The following PTPRD variants were observed in gnomAD, a reference collection of about 807,000 sequenced individuals.
PTPRD encodes the protein receptor-type tyrosine-protein phosphatase delta.
A neutral mutation model predicts 214.5 loss-of-function variants in PTPRD; 34 were observed. That is an observed-to-expected ratio of 0.16 (90% CI 0.12 to 0.21). The LOEUF (loss-of-function observed/expected upper bound fraction) is 0.21. Among genes scored for constraint, PTPRD ranks in the 10% least tolerant of loss-of-function variants. The probability of loss-of-function intolerance (pLI) is 1.00; values close to 1 mark genes in which losing one functional copy is unlikely to be tolerated. For synonymous variants in PTPRD, 1,128 were observed against 845.7 expected (o/e 1.33, Z -5.79); for missense variants, 2,545 against 2,398.7 (o/e 1.06, Z -1.27).
chr9:10,041,373 A>G (rs2097294438), intron 3 of PTPRD, among the ~76,000 whole-genome samples: 1 of 152,004 alleles, frequency 6.6e-6, no homozygotes, highest in African/African-American at 2.4e-5. Flanking sequence ...TAGGAAAATA[A>G]GGCCTAAAAA....
chr9:10,458,704 A>C (rs1387122134), intron 2 of PTPRD, among the ~76,000 whole-genome samples: 1 of 152,194 alleles, frequency 6.6e-6, no homozygotes, highest in African/African-American at 2.4e-5. Context: ...TAGACAAGAA[A>C]AAGAAATAAA....
chr9:10,063,470 G>T (rs2097817264), intron 3 of PTPRD, among the ~76,000 whole-genome samples: 1 of 151,922 alleles, frequency 6.6e-6, no homozygotes, highest in Admixed American at 6.6e-5. Flanking sequence ...GAAATCTTGG[G>T]GTTTATGATC....
At chr9:9,583,273 TC>T (rs1223197689) in intron 7 of PTPRD, among the ~76,000 whole-genome samples, 20 of 152,172 alleles carry the variant, frequency 1.3e-4, no homozygotes, top group African/African-American at 4.6e-4. Context: ...AATTTATGTC[TC>T]TTAACTGAAA....
At chr9:8,600,356 G>C (rs920888169) in intron 14 of PTPRD, among the ~76,000 whole-genome samples, 1 of 152,114 alleles carries the variant, frequency 6.6e-6, no homozygotes, top group African/African-American at 2.4e-5. Flanking sequence ...AAATTCCTAG[G>C]CAAGTCCTAG....
At chr9:10,168,537 T>G (rs1296725568) in intron 3 of PTPRD, among the ~76,000 whole-genome samples, 1 of 152,158 alleles carries the variant, frequency 6.6e-6, no homozygotes, top group Non-Finnish European at 1.5e-5. Flanking sequence ...TAACAGAAAA[T>G]TCACAAGAAC....
At chr9:9,894,815 G>A (rs1419693875) in intron 5 of PTPRD, among the ~76,000 whole-genome samples, 1 of 152,022 alleles carries the variant, frequency 6.6e-6, no homozygotes, top group Non-Finnish European at 1.5e-5. Flanking sequence ...ACGGTAATAA[G>A]TGTTTTTGAA....
chr9:9,413,100 C>CTTTTTTTTTTTT lies in PTPRD; in HGVS notation c.-236-15630_-236-15619dup, dbSNP rs5896325. Among the ~76,000 whole-genome samples, 186 of 63,022 alleles carry CTTTTTTTTTTTT rather than the reference C, an allele frequency of 3.0e-3. 26 individuals are homozygous for CTTTTTTTTTTTT. Among genetic ancestry groups the CTTTTTTTTTTTT allele is most frequent in the Middle Eastern group, 0.019 (1 of 52 alleles). The allele number at this position is 63,022 out of a possible 152,430, so 41.3% of individuals were successfully genotyped here. A position where few individuals can be genotyped will look rare whatever the true frequency, so the allele number is the denominator to read the frequency against. ...CAAGTTATAAAATATCTTGCAGCTT[C>CTTTTTTTTTTTT]TTTTTTTTTTTTTTTTTTTTTTTTT... On this transcript the variant is annotated intron_variant, in intron 8 of 45. Coordinates refer to ENST00000381196, the MANE Select transcript of PTPRD (RefSeq NM_002839.4).
At chr9:10,368,407 C>T (rs903582832) in intron 2 of PTPRD, among the ~76,000 whole-genome samples, 3 of 151,958 alleles carry the variant, frequency 2.0e-5, no homozygotes, top group Admixed American at 2.0e-4. Flanking sequence ...TATTTTTGTT[C>T]TAAGTTCACC....
intron 11 of PTPRD, among the ~76,000 whole-genome samples, chr9:8,911,440 T>TGTGTGTGA (rs1171435442): frequency 5.4e-5 from 8 of 149,014 alleles, no homozygotes; most frequent in African/African-American, 2.0e-4. Flanking sequence ...TGTGTGTGTG[T>TGTGTGTGA]GAGAGAGAGA....
At chr9:9,971,223 AAGTAGTAATTCTTC>A (rs2154047672) in intron 4 of PTPRD, among the ~76,000 whole-genome samples, 1 of 152,320 alleles carries the variant, frequency 6.6e-6, no homozygotes, top group African/African-American at 2.4e-5. Context: ...AGTTCCTTTT[AAGTAGTAATTCTTC>A]AGTCTGAGTG....
chr9:8,324,074 T>C lies in PTPRD; in HGVS notation c.5535-4108A>G, dbSNP rs190675805. Among the ~76,000 whole-genome samples the C allele has an allele frequency of 6.3e-4, 95 of 151,630 alleles. No homozygotes were observed. In the East Asian group the frequency reaches 0.01, roughly 16 times the overall value. On this transcript the variant is annotated intron_variant, in intron 44 of 45. Coordinates refer to ENST00000381196, the MANE Select transcript of PTPRD (RefSeq NM_002839.4). ...CCTCAACCAGCAAAAAGATTAAAAC[T>C]TACCGGAGGCTCAGATGATGATTAG... is the stretch of plus-strand genomic sequence containing the variant.
In PTPRD at chr9:8,468,426, C is replaced by T. The variant is rs886341768; in HGVS notation, c.3504+2569G>A. 2.0e-5 allele frequency among the ~76,000 whole-genome samples: 3 copies of T among 151,916 alleles called. No individual in the cohort carries two copies. The South Asian group carries it at 6.2e-4, about 32-fold the overall frequency. ...CACTAACATTCTGGGAGTCATTCTG[C>T]CCCAAATTCATTTTGACTATCAATG... On this transcript the variant is annotated intron_variant, in intron 31 of 45. Coordinates refer to ENST00000381196, the MANE Select transcript of PTPRD (RefSeq NM_002839.4).
chr9:8,363,980 C>G (rs2079137881), intron 39 of PTPRD, among the ~76,000 whole-genome samples: 1 of 152,178 alleles, frequency 6.6e-6, no homozygotes, highest in South Asian at 2.1e-4. Flanking sequence ...CACAAATGTA[C>G]CTTATTAATG....
intron 2 of PTPRD, among the ~76,000 whole-genome samples, chr9:10,594,138 T>C (rs2076122853): frequency 6.6e-6 from 1 of 152,022 alleles, no homozygotes; most frequent in Admixed American, 6.6e-5. Context: ...TAGCCTGTTA[T>C]GTAGAATATG....
At chr9:8,942,661 A>T (rs1427535248) in intron 11 of PTPRD, among the ~76,000 whole-genome samples, 1 of 150,454 alleles carries the variant, frequency 6.6e-6, no homozygotes, top group Admixed American at 6.6e-5. Context: ...GTCAAAGCTA[A>T]TTTTTTTTTT....
At chr9:9,397,329 T>C (rs977755840) in intron 9 of PTPRD, 120 bp downstream of exon 9, 1 of 152,250 alleles carries the variant, frequency 6.6e-6, no homozygotes, top group Non-Finnish European at 1.5e-5. Flanking sequence ...CCTAATGAAC[T>C]GCCAGAAGGA....
Position 9,276,401 on chromosome 9 carries a change from C to T in PTPRD, c.-202-93038G>A, listed in dbSNP as rs1945651034. Among the ~76,000 whole-genome samples, 4 of 151,160 alleles carry T rather than the reference C, an allele frequency of 2.6e-5. No homozygotes were observed. The South Asian group carries it at 8.3e-4, about 31-fold the overall frequency. On this transcript the variant is annotated intron_variant, in intron 9 of 45. Coordinates refer to ENST00000381196, the MANE Select transcript of PTPRD (RefSeq NM_002839.4). ...AGATGTAGTCTAGAATATCAGAGGC[C>T]CGGGGCAAAGGTCAACAGGAACTGT...
intron 9 of PTPRD, among the ~76,000 whole-genome samples, chr9:9,350,320 T>C (rs1306182644): frequency 1.3e-5 from 2 of 152,006 alleles, no homozygotes; most frequent in African/African-American, 2.4e-5. Flanking sequence ...GGTGCAGAGG[T>C]ATGTGATATG....
At chr9:9,490,262 T>C (rs1427302424) in intron 8 of PTPRD, among the ~76,000 whole-genome samples, 4 of 151,982 alleles carry the variant, frequency 2.6e-5, no homozygotes, top group African/African-American at 7.2e-5. Context: ...CTCAAGGGAA[T>C]CCTGGAGGGT....
Sources: allele counts gnomAD v4.1 joint callset (sites outside exome capture counted in the v4.1 genomes callset), GRCh38; gene constraint gnomAD v4.1.1; transcripts MANE v1.5; gene names NCBI Gene and HGNC (gene_info 2026-07-23, HGNC 2026-07-21).